HUWE1: variants seen among roughly 807,000 people sequenced by gnomAD.
The protein encoded by HUWE1 is HECT, UBA and WWE domain containing E3 ubiquitin protein ligase 1, also known as E3 ubiquitin-protein ligase HUWE1.
A neutral mutation model predicts 299.4 loss-of-function variants in HUWE1; 18 were observed. That is an observed-to-expected ratio of 0.06 (90% CI 0.04 to 0.09). The LOEUF (loss-of-function observed/expected upper bound fraction) is 0.09, where lower values mean the gene tolerates loss of function less well. Ranked by LOEUF, HUWE1 falls within the 10% of genes least tolerant of loss-of-function variation. The pLI, the probability that HUWE1 is intolerant of heterozygous loss-of-function variation, is 1.00. For missense variants in HUWE1, 1,832 were observed against 3,462.3 expected, an observed-to-expected ratio of 0.53 and a Z score of 11.82; for synonymous variants, 1,317 against 1,286.1, an observed-to-expected ratio of 1.02 and a Z score of -0.51.
intron 44 of HUWE1, among the ~76,000 whole-genome samples, chrX:53,576,369 C>A (rs1556958765): frequency 8.9e-6 from 1 of 111,895 alleles, no homozygotes; most frequent in Non-Finnish European, 1.9e-5. Context: ...ATAAGATGCA[C>A]CTTAACTAGG....
In HUWE1 at chrX:53,570,707, G is replaced by A. The variant is rs1286723812; in HGVS notation, c.6313-880C>T. Among the ~76,000 whole-genome samples, 9 of 112,321 alleles carry A rather than the reference G, an allele frequency of 8.0e-5. No individual in the cohort carries two copies. The Admixed American group carries it at 8.5e-4, about 11-fold the overall frequency. Reference sequence around the variant, plus strand: ...CCTGCCTAGACAATTCCTTATCTTAGAAACAAATTCTATTGTCATTCAAGC... The same window carrying A: ...CCTGCCTAGACAATTCCTTATCTTAAAAACAAATTCTATTGTCATTCAAGC... On this transcript the variant is annotated intron_variant, in intron 47 of 83. Coordinates refer to ENST00000262854, the MANE Select transcript of HUWE1 (RefSeq NM_031407.7).
intron 60 of HUWE1, among the ~76,000 whole-genome samples, chrX:53,555,336 GT>G (rs1353901097): frequency 1.8e-5 from 2 of 110,993 alleles, no homozygotes; most frequent in South Asian, 7.7e-4. Flanking sequence ...AACTCTATTT[GT>G]TTTTTTTGGA....
intron 23 of HUWE1, among the ~76,000 whole-genome samples, chrX:53,610,402 C>A (rs910542304): frequency 8.9e-6 from 1 of 111,865 alleles, no homozygotes. Flanking sequence ...CATCTTTTGG[C>A]TCTCAGGCCC....
At chrX:53,534,736 C>G (rs782546094) in intron 81 of HUWE1, 39 bp from the exon 82 acceptor site, 4 of 1,158,700 alleles carry the variant, frequency 3.5e-6, no homozygotes, top group South Asian at 1.8e-5. Context: ...CTTCTAAACT[C>G]ACACAACCGT....
chrX:53,602,507 A>C, intron 28 of HUWE1, 57 bp downstream of exon 28: 1 of 696,077 alleles, frequency 1.4e-6, no homozygotes, highest in South Asian at 2.3e-5. Context: ...TAAACCTATA[A>C]AGACGTAGGA....
chrX:53,610,847 C>T (rs1169165169), intron 23 of HUWE1, among the ~76,000 whole-genome samples: 1 of 111,570 alleles, frequency 9.0e-6, no homozygotes, highest in Non-Finnish European at 1.9e-5. Flanking sequence ...TTTCAAGCTG[C>T]TCATGAGTGG....
In HUWE1 at chrX:53,630,840, A is replaced by G. The variant is rs1309756019; in HGVS notation, c.862+95T>C. 1.5e-5 allele frequency: 8 copies of G among 550,836 alleles called. No individual in the cohort carries two copies. The African/African-American group carries it at 1.8e-4, about 12-fold the overall frequency. 45.4% of individuals were successfully genotyped at this position (550,836 alleles called of 1,213,427 possible). ...TTTAAGTTGCTACCTAGGTAACTAT[A>G]ATAGGACTCATAGCAACAAAGATGA... On this transcript the variant is annotated intron_variant, in intron 12 of 83. Transcript: ENST00000262854.
At position 53,563,509 on chromosome X, in the gene HUWE1, C is replaced by G. The variant is rs1285946003; in HGVS notation, c.7105+237G>C. On this transcript the variant is annotated intron_variant, in intron 52 of 83. Transcript: ENST00000262854. The stretch of plus-strand genomic sequence containing the variant: ...TCTTTTGATGTGCTTGATGTATCAT[C>G]TGTATCAATGGCCACTCCCACCACC... 4.5e-5 allele frequency among the ~76,000 whole-genome samples: 5 copies of G among 111,220 alleles called. No homozygotes were observed. The Admixed American group carries it at 4.8e-4, about 11-fold the overall frequency.
chrX:53,629,041 G>C (rs2066700950), intron 13 of HUWE1, 139 bp from the exon 14 acceptor site: 1 of 514,499 alleles, frequency 1.9e-6, no homozygotes, highest in Non-Finnish European at 3.2e-6. Flanking sequence ...TCTGTTGAGA[G>C]CAACAACGAA....
intron 4 of HUWE1, among the ~76,000 whole-genome samples, chrX:53,648,533 A>C (rs1353827663): frequency 2.6e-4 from 25 of 95,566 alleles, no homozygotes; most frequent in African/African-American, 1.3e-3. Flanking sequence ...TAAAAAACAA[A>C]AAAAAACAAA....
chrX:53,674,919 G>T (rs1283935594), intron 3 of HUWE1, among the ~76,000 whole-genome samples: 1 of 111,933 alleles, frequency 8.9e-6, no homozygotes, highest in African/African-American at 3.2e-5. Flanking sequence ...TAGCTACTAA[G>T]TATTTTATAT....
intron 29 of HUWE1, among the ~76,000 whole-genome samples, chrX:53,599,181 G>A (rs1556987732): frequency 1.8e-5 from 2 of 112,509 alleles, no homozygotes; most frequent in Non-Finnish European, 3.8e-5. Flanking sequence ...AATGCTCCAA[G>A]ATCAAAGAAA....
chrX:53,546,499 T>C lies in HUWE1; in HGVS notation c.10852A>G (p.Thr3618Ala). Reference protein sequence around the residue: ...LSRGDSGTRDTVLKLLLNGAR... With the variant: ...LSRGDSGTRDAVLKLLLNGAR... The stretch of plus-strand genomic sequence containing the variant: ...CCATTCAGTAGCAGCTTGAGAACAG[T>C]GTCCCGGGTCCCAGAGTCCCCCCGG... The change falls in exon 70 of 84, where the codon ACT becomes GCT. Residue 3618 changes from threonine (T) to alanine (A), a missense_variant. By Grantham distance (58) the Thr-to-Ala change is moderately conservative. Transcript: ENST00000262854. 2.5e-6 allele frequency: 3 copies of C among 1,210,415 alleles called. No individual in the cohort carries two copies. Among genetic ancestry groups the C allele is most frequent in the African/African-American group, 1.7e-5 (1 of 57,739 alleles).
At chrX:53,541,028 T>C (rs1451935056) in intron 74 of HUWE1, among the ~76,000 whole-genome samples, 2 of 111,808 alleles carry the variant, frequency 1.8e-5, no homozygotes, top group Non-Finnish European at 3.8e-5. Context: ...CAAATCCTGA[T>C]GAAAGGTAGG....
chrX:53,592,282 T>G (rs1556979747), intron 33 of HUWE1, 116 bp downstream of exon 33: 2 of 565,070 alleles, frequency 3.5e-6, no homozygotes, highest in East Asian at 6.5e-5. Flanking sequence ...AAATCTAAAC[T>G]GTCTCCTGGT....
chrX:53,595,950 T>C (rs2064436676), intron 29 of HUWE1, among the ~76,000 whole-genome samples: 1 of 111,825 alleles, frequency 8.9e-6, no homozygotes, highest in Non-Finnish European at 1.9e-5. Context: ...CAATATATAA[T>C]TCAACAAGGA....
intron 43 of HUWE1, among the ~76,000 whole-genome samples, chrX:53,579,397 C>A (rs1157239889): frequency 9.0e-6 from 1 of 110,982 alleles, no homozygotes. Context: ...GCCGCCCCTA[C>A]TGGGAAGTGG....
chrX:53,534,255 G>A (rs1248243850), intron 82 of HUWE1, 58 bp from the exon 83 acceptor site: 18 of 1,024,827 alleles, frequency 1.8e-5, no homozygotes, highest in Non-Finnish European at 2.3e-5. Context: ...AAGCAGGGTG[G>A]GGGGGATGGA....
chrX:53,616,818 G>A (rs1190399298), intron 21 of HUWE1, 152 bp downstream of exon 21: 11 of 476,746 alleles, frequency 2.3e-5, no homozygotes, highest in Non-Finnish European at 4.0e-5. Flanking sequence ...AGAAGCTGAA[G>A]TATTCCTTCT....
Sources: allele counts gnomAD v4.1 joint callset (sites outside exome capture counted in the v4.1 genomes callset), GRCh38; gene constraint gnomAD v4.1.1; transcripts MANE v1.5; gene names NCBI Gene and HGNC (gene_info 2026-07-23, HGNC 2026-07-21).